The following CAMTA1 variants were observed in gnomAD, a reference collection of about 807,000 sequenced individuals.
CAMTA1 encodes calmodulin binding transcription activator 1.
In CAMTA1, 27 loss-of-function variants were observed where a neutral mutation model predicts 170.9. That is an observed-to-expected ratio of 0.16 (90% CI 0.12 to 0.22). CAMTA1 has a LOEUF of 0.22. Ranked by LOEUF, CAMTA1 falls within the 10% of genes least tolerant of loss-of-function variation. The pLI, the probability that CAMTA1 is intolerant of heterozygous loss-of-function variation, is 1.00. For missense variants in CAMTA1, 1,619 were observed against 2,217.2 expected, an observed-to-expected ratio of 0.73 and a Z score of 5.42; for synonymous variants, 833 against 891.5, an observed-to-expected ratio of 0.93 and a Z score of 1.17.
intron 6 of CAMTA1, among the ~76,000 whole-genome samples, chr1:7,572,565 C>A (rs2095137756): frequency 6.6e-6 from 1 of 152,040 alleles, no homozygotes; most frequent in African/African-American, 2.4e-5. Context: ...TATGGCTAAC[C>A]AGTTGTCCCA....
chr1:7,569,078 T>TC (rs1194104090), intron 6 of CAMTA1, among the ~76,000 whole-genome samples: 1 of 149,774 alleles, frequency 6.7e-6, no homozygotes, highest in Non-Finnish European at 1.5e-5. Flanking sequence ...ACCACCACCA[T>TC]CATCAACATC....
chr1:7,122,802 G>A lies in CAMTA1; in HGVS notation c.302+31431G>A, dbSNP rs537110198. On this transcript the variant is annotated intron_variant, in intron 4 of 22. Coordinates refer to ENST00000303635, the MANE Select transcript of CAMTA1 (RefSeq NM_015215.4). ...TCCCTGCTGCTGAAGCCAGAAGCTT[G>A]GTGTCGCCCGAGTCTCCTCTCTCCC... Among the ~76,000 whole-genome samples the A allele has an allele frequency of 1.4e-4, 22 of 152,242 alleles. 1 individual carries two copies. The highest frequency in any genetic ancestry group is 5.3e-4 in the African/African-American group (22 of 41,516).
At chr1:7,430,144 G>A (rs1422863478) in intron 5 of CAMTA1, among the ~76,000 whole-genome samples, 4 of 151,896 alleles carry the variant, frequency 2.6e-5, no homozygotes, top group Non-Finnish European at 5.9e-5. Context: ...GCAATGATGG[G>A]GATGATGGTG....
chr1:6,966,715 A>G (rs1054757777), intron 3 of CAMTA1, among the ~76,000 whole-genome samples: 1 of 149,718 alleles, frequency 6.7e-6, no homozygotes, highest in East Asian at 2.0e-4. Flanking sequence ...GGTTCTAGCA[A>G]TTCTCCTGCC....
chr1:6,800,469 C>T (rs1417602652), intron 1 of CAMTA1, among the ~76,000 whole-genome samples: 1 of 152,050 alleles, frequency 6.6e-6, no homozygotes, highest in East Asian at 1.9e-4. Flanking sequence ...CCAAAATGTT[C>T]ATAGTTATTC....
intron 11 of CAMTA1, among the ~76,000 whole-genome samples, chr1:7,706,818 G>T (rs1558180519): frequency 6.6e-6 from 1 of 151,310 alleles, no homozygotes; most frequent in Non-Finnish European, 1.5e-5. Flanking sequence ...GTTAATAACA[G>T]TCTTGTTTGT....
Position 6,974,290 on chromosome 1 carries a change from C to T in CAMTA1, c.235-117014C>T, listed in dbSNP as rs542215954. Among the ~76,000 whole-genome samples, 4 of 152,316 alleles carry T rather than the reference C, an allele frequency of 2.6e-5. No homozygotes were observed. In the East Asian group the frequency reaches 7.7e-4, roughly 29 times the overall value. ...ACAAAACAATACAGTTGTGTATTCC[C>T]ATAATATCCCTTCAGTTTCTTGGGG... is the stretch of plus-strand genomic sequence containing the variant. On this transcript the variant is annotated intron_variant, in intron 3 of 22. Coordinates refer to ENST00000303635, the MANE Select transcript of CAMTA1 (RefSeq NM_015215.4).
chr1:7,752,760 T>C (rs1210986942), intron 21 of CAMTA1, among the ~76,000 whole-genome samples: 1 of 152,236 alleles, frequency 6.6e-6, no homozygotes, highest in Non-Finnish European at 1.5e-5. Flanking sequence ...TGGAGATTCA[T>C]GCCCGTGTTT....
chr1:6,942,077 C>CTTTTTTCTT (rs1553193494), intron 3 of CAMTA1, among the ~76,000 whole-genome samples: 3 of 147,352 alleles, frequency 2.0e-5, no homozygotes, highest in Non-Finnish European at 4.5e-5. Flanking sequence ...TTTCTTTTTT[C>CTTTTTTCTT]TTTTTTTTTT....
chr1:7,579,547 CTTTTCTTTT>C (rs1275804115), intron 6 of CAMTA1, among the ~76,000 whole-genome samples: 20 of 111,446 alleles, frequency 1.8e-4, no homozygotes, highest in African/African-American at 7.4e-4. Context: ...CTTTTCTTTT[CTTTTCTTTT>C]TTTTTTTTTT....
chr1:7,542,776 C>T (rs1447013226), intron 6 of CAMTA1, among the ~76,000 whole-genome samples: 2 of 151,924 alleles, frequency 1.3e-5, no homozygotes, highest in Admixed American at 6.6e-5. Context: ...TGAATCTGCC[C>T]GCCTTGACCC....
chr1:6,979,544 G>A (rs1208416033), intron 3 of CAMTA1, among the ~76,000 whole-genome samples: 1 of 152,188 alleles, frequency 6.6e-6, no homozygotes, highest in Non-Finnish European at 1.5e-5. Context: ...TCAAATGAAG[G>A]TCATTTGAAA....
intron 16 of CAMTA1, among the ~76,000 whole-genome samples, 153 bp from the exon 17 acceptor site, chr1:7,744,682 C>T (rs1453563175): frequency 6.6e-6 from 1 of 152,062 alleles, no homozygotes; most frequent in Non-Finnish European, 1.5e-5. Context: ...TATGTTATAA[C>T]CTTAAAATGG....
At chr1:7,676,262 G>A (rs972037786) in intron 10 of CAMTA1, among the ~76,000 whole-genome samples, 1 of 152,248 alleles carries the variant, frequency 6.6e-6, no homozygotes, top group Non-Finnish European at 1.5e-5. Context: ...GCACCTCGGA[G>A]GTCCTATGTG....
rs887555871 is a variant in CAMTA1, at chr1:7,588,019, C to T, written c.511-52381C>T. Among the ~76,000 whole-genome samples the T allele has an allele frequency of 2.6e-5, 4 of 152,176 alleles. No homozygotes were observed. Among genetic ancestry groups the T allele is most frequent in the African/African-American group, 7.2e-5 (3 of 41,386 alleles). ...CTATCGGTGCCTGGCCCTGGCCATT[C>T]ATTCCTCGTTCAAGTGCGTGTGGCA... On this transcript the variant is annotated intron_variant, in intron 6 of 22. Transcript: ENST00000303635. This position sits in a 1 kb window ranked among gnomAD's most constrained non-coding sequence, Gnocchi z 5.8.
chr1:7,732,815 C>A lies in CAMTA1; in HGVS notation c.3066+216C>A, dbSNP rs1315868395. Among the ~76,000 whole-genome samples, 1 of 152,092 alleles carries A rather than the reference C, an allele frequency of 6.6e-6. No homozygotes were observed. The highest frequency in any genetic ancestry group is 6.6e-5 in the Admixed American group (1 of 15,264). ...GAATGTGGAGCTTCTCAGTTGTTTA[C>A]CCCCCTAATCCTTAAGTTATCTCTA... is the stretch of plus-strand genomic sequence containing the variant. On this transcript the variant is annotated intron_variant, in intron 12 of 22. Transcript: ENST00000303635. This position sits in a 1 kb window ranked among gnomAD's most constrained non-coding sequence, Gnocchi z 4.1.
intron 6 of CAMTA1, among the ~76,000 whole-genome samples, chr1:7,485,079 CT>C (rs2093600175): frequency 6.6e-6 from 1 of 152,168 alleles, no homozygotes; most frequent in African/African-American, 2.4e-5. Context: ...GATCCAGCCC[CT>C]TCTGTTGCCT....
chr1:6,793,905 G>A (rs1641820982), intron 1 of CAMTA1, among the ~76,000 whole-genome samples: 1 of 152,114 alleles, frequency 6.6e-6, no homozygotes, highest in African/African-American at 2.4e-5. Flanking sequence ...GGATATATGT[G>A]CCCTGTTGGT....
intron 4 of CAMTA1, among the ~76,000 whole-genome samples, chr1:7,141,961 G>A (rs1645914576): frequency 6.6e-6 from 1 of 152,182 alleles, no homozygotes; most frequent in South Asian, 2.1e-4. Context: ...CACACAGCGA[G>A]CCATGGCAGA....
Sources: gnomAD v4.1 joint callset for allele counts (sites outside exome capture counted in the v4.1 genomes callset) on GRCh38, gnomAD v4.1.1 for gene constraint, Gnocchi (gnomAD v3.1) non-coding constraint, MANE v1.5 for transcripts, NCBI Gene and HGNC (gene_info 2026-07-23, HGNC 2026-07-21) for gene names.